The following UBR2 variants were observed in gnomAD, a reference collection of about 807,000 sequenced individuals.
UBR2 encodes the protein ubiquitin protein ligase E3 component n-recognin 2.
UBR2 carries 92 observed loss-of-function variants against 247.9 expected under a neutral mutation model. The observed-to-expected ratio is 0.37, with a 90% CI of 0.31 to 0.44. The LOEUF (loss-of-function observed/expected upper bound fraction) is 0.44. Among genes scored for constraint, UBR2 ranks in the 20% least tolerant of loss-of-function variants. The pLI is 1.00. For synonymous variants in UBR2, 672 were observed against 693.5 expected (o/e 0.97, Z 0.49); for missense variants, 1,613 against 2,112.6 (o/e 0.76, Z 4.64).
At chr6:42,603,479 G>A in intron 4 of UBR2, 109 bp from the exon 5 acceptor site, 1 of 1,061,942 alleles carries the variant, frequency 9.4e-7, no homozygotes, top group Non-Finnish European at 1.3e-6. Flanking sequence ...GAAGCTGGAA[G>A]ACCAGTCAAC....
At chr6:42,652,679 G>T (rs1324917554) in intron 25 of UBR2, 34 bp downstream of exon 25, 1 of 1,562,794 alleles carries the variant, frequency 6.4e-7, no homozygotes, top group African/African-American at 1.4e-5. Flanking sequence ...TTATATTTTA[G>T]TATTTTATAG....
At chr6:42,678,494 C>T (rs1017973777) in intron 40 of UBR2, 45 bp from the exon 41 acceptor site, 9 of 1,587,530 alleles carry the variant, frequency 5.7e-6, no homozygotes, top group Non-Finnish European at 7.7e-6. Context: ...AGTACAGTGA[C>T]CTTTTCTTAG....
intron 46 of UBR2, among the ~76,000 whole-genome samples, chr6:42,690,391 G>C (rs1309044423): frequency 6.6e-6 from 1 of 152,192 alleles, no homozygotes. Context: ...TGGGCTGTTA[G>C]GAGGAGGAGA....
chr6:42,615,560 C>T (rs898214628), intron 9 of UBR2, among the ~76,000 whole-genome samples: 1 of 152,102 alleles, frequency 6.6e-6, no homozygotes, highest in Non-Finnish European at 1.5e-5. Flanking sequence ...AAGCAATCCT[C>T]CCTTCTCAGC....
chr6:42,566,435 A>AGTG (rs1790782354), intron 1 of UBR2, among the ~76,000 whole-genome samples: 1 of 152,144 alleles, frequency 6.6e-6, no homozygotes, highest in Non-Finnish European at 1.5e-5. Flanking sequence ...GCCAGGCTGG[A>AGTG]GTGCAATGGC....
intron 44 of UBR2, among the ~76,000 whole-genome samples, chr6:42,685,281 A>G (rs1799311265): frequency 6.6e-6 from 1 of 152,190 alleles, no homozygotes; most frequent in Admixed American, 6.5e-5. Flanking sequence ...ATTACACTCC[A>G]GCCTGGGTGA....
chr6:42,633,126 G>C (rs1435262113), intron 13 of UBR2, among the ~76,000 whole-genome samples: 1 of 151,354 alleles, frequency 6.6e-6, no homozygotes, highest in Non-Finnish European at 1.5e-5. Flanking sequence ...AAGTTGCCTG[G>C]GACTAGAGGC....
intron 6 of UBR2, among the ~76,000 whole-genome samples, chr6:42,606,126 C>G (rs1793683841): frequency 6.6e-6 from 1 of 151,824 alleles, no homozygotes; most frequent in Non-Finnish European, 1.5e-5. Context: ...GCCGGTAATC[C>G]CAGCTACTCA....
At chr6:42,631,489 C>A (rs985152749) in intron 11 of UBR2, among the ~76,000 whole-genome samples, 8 of 152,174 alleles carry the variant, frequency 5.3e-5, no homozygotes, top group African/African-American at 1.9e-4. Flanking sequence ...TATGTGCATA[C>A]TCTTTAACCG....
intron 2 of UBR2, among the ~76,000 whole-genome samples, chr6:42,583,665 G>A (rs981613270): frequency 1.3e-5 from 2 of 151,820 alleles, no homozygotes; most frequent in Middle Eastern, 3.2e-3. Context: ...AGGACTACAG[G>A]CACGCACCAC....
chr6:42,670,031 CGAACCATTTGATT>C, intron 34 of UBR2, 48 bp from the exon 35 acceptor site: 1 of 1,571,846 alleles, frequency 6.4e-7, no homozygotes, highest in Non-Finnish European at 8.7e-7. Flanking sequence ...GTTAAGAAAC[CGAACCATTTGATT>C]GATATGTGCA....
At chr6:42,645,210 T>C (rs1163967502) in intron 20 of UBR2, among the ~76,000 whole-genome samples, 1 of 152,016 alleles carries the variant, frequency 6.6e-6, no homozygotes, top group Non-Finnish European at 1.5e-5. Flanking sequence ...CTTCCCACAT[T>C]TCTGATCCCA....
intron 39 of UBR2, 147 bp from the exon 40 acceptor site, chr6:42,676,636 C>T: frequency 1.5e-6 from 1 of 672,566 alleles, no homozygotes; most frequent in Non-Finnish European, 2.6e-6. Flanking sequence ...TGTGCTCCCA[C>T]TTGAGGGATT....
intron 36 of UBR2, among the ~76,000 whole-genome samples, chr6:42,673,226 C>T (rs1301053002): frequency 6.6e-6 from 1 of 152,162 alleles, no homozygotes; most frequent in Non-Finnish European, 1.5e-5. Flanking sequence ...AGAGTATCCA[C>T]ATTTTAGAGG....
chr6:42,658,568 C>A (rs1797577401), intron 28 of UBR2, 78 bp from the exon 29 acceptor site: 2 of 1,352,798 alleles, frequency 1.5e-6, no homozygotes, highest in Middle Eastern at 1.9e-4. Flanking sequence ...TTGGTATTTA[C>A]AGTGAAGATA....
At chr6:42,578,956 AAAACACACACACAC>A (rs1688995871) in intron 2 of UBR2, among the ~76,000 whole-genome samples, 1 of 118,580 alleles carries the variant, frequency 8.4e-6, no homozygotes, top group South Asian at 2.7e-4. Flanking sequence ...CTCCATCTCA[AAAACACACACACAC>A]AAACACACAC....
intron 43 of UBR2, among the ~76,000 whole-genome samples, chr6:42,684,412 T>TA (rs767838430): frequency 0.06 from 8,583 of 142,282 alleles, 340 homozygotes; most frequent in Middle Eastern, 0.087. Context: ...CTGTCTCTAC[T>TA]AAAAAAAAAA....
In UBR2 at chr6:42,689,671, G is replaced by A; in HGVS notation, c.5126+1G>A. The stretch of plus-strand genomic sequence containing the variant: ...ATGGGGAGACCGACCAGGGACTCAG[G>A]TAAGAACCCATCCTGAGTTAGCTAA... On this transcript the variant is annotated splice_donor_variant, in intron 46 of 46. Transcript: ENST00000372901. LOFTEE classifies it high-confidence loss of function. This position sits in a 1 kb window ranked among gnomAD's most constrained non-coding sequence, Gnocchi z 4.0. 2 of 1,613,778 alleles carry A rather than the reference G, an allele frequency of 1.2e-6. No homozygotes were observed. The highest frequency in any genetic ancestry group is 1.1e-5 in the South Asian group (1 of 91,074).
intron 32 of UBR2, among the ~76,000 whole-genome samples, chr6:42,665,134 T>C (rs183921056): frequency 8.5e-5 from 13 of 152,338 alleles, no homozygotes; most frequent in African/African-American, 3.1e-4. Context: ...ATATTAATAG[T>C]GATGGTGATT....
Sources: allele counts gnomAD v4.1 joint callset (sites outside exome capture counted in the v4.1 genomes callset), GRCh38; gene constraint gnomAD v4.1.1; non-coding constraint Gnocchi (gnomAD v3.1); transcripts MANE v1.5; gene names NCBI Gene and HGNC (gene_info 2026-07-23, HGNC 2026-07-21).